CNOT1: variants seen among roughly 807,000 people sequenced by gnomAD.
The protein encoded by CNOT1 is CCR4-associated factor 1.
Under a neutral mutation model 273.8 loss-of-function variants are expected in CNOT1, and 15 were observed. The ratio of observed to expected loss-of-function variants is 0.05; its 90% CI spans 0.04 to 0.08. The LOEUF (loss-of-function observed/expected upper bound fraction) is 0.08, where lower values mean the gene tolerates loss of function less well. CNOT1 is among the 10% of genes least tolerant of loss of function. CNOT1 has a pLI of 1.00. For missense variants in CNOT1, 1,644 were observed against 2,912.2 expected (o/e 0.56, Z 10.02); for synonymous variants, 1,022 against 1,005.5 (o/e 1.02, Z -0.31).
intron 22 of CNOT1, among the ~76,000 whole-genome samples, chr16:58,552,286 T>C (rs577092934): frequency 6.6e-6 from 1 of 151,950 alleles, no homozygotes; most frequent in East Asian, 1.9e-4. Context: ...TTTAGAGTGA[T>C]AAGGATCCTG....
Position 58,578,686 on chromosome 16 carries a change from G to A in CNOT1, c.1584+13C>T, listed in dbSNP as rs112715919. 66 of 1,611,732 alleles carry A rather than the reference G, an allele frequency of 4.1e-5. No individual in the cohort carries two copies. Among genetic ancestry groups the A allele is most frequent in the African/African-American group, 2.3e-4 (17 of 74,828 alleles). On this transcript the variant is annotated intron_variant, in intron 13 of 48. Coordinates refer to ENST00000317147, the MANE Select transcript of CNOT1 (RefSeq NM_016284.5). ...TCAGATGAAAAAATGGTAAGCACAC[G>A]GTCACATCTTACCTGCCCATGCCAT...
intron 43 of CNOT1, 22 bp from the exon 44 acceptor site, chr16:58,528,670 A>C: frequency 2.5e-6 from 4 of 1,569,538 alleles, no homozygotes; most frequent in Non-Finnish European, 3.5e-6. Context: ...AAACAAGAAA[A>C]ATATTTCCAC....
At chr16:58,619,906 A>G (rs1282699594) in intron 1 of CNOT1, among the ~76,000 whole-genome samples, 1 of 151,842 alleles carries the variant, frequency 6.6e-6, no homozygotes, top group Non-Finnish European at 1.5e-5. Context: ...AGATGTAAAT[A>G]GTTTAACTCT....
chr16:58,613,968 T>C (rs1349022630), intron 1 of CNOT1, among the ~76,000 whole-genome samples: 1 of 118,662 alleles, frequency 8.4e-6, no homozygotes, highest in Non-Finnish European at 2.0e-5. Flanking sequence ...GGCGGGCACC[T>C]GTAGTCCCAG....
intron 1 of CNOT1, among the ~76,000 whole-genome samples, chr16:58,618,911 C>T (rs1273537197): frequency 2.6e-5 from 4 of 152,042 alleles, no homozygotes; most frequent in Non-Finnish European, 5.9e-5. Flanking sequence ...ATCTAATCCA[C>T]GCCAGGCATG....
At chr16:58,597,663 AG>A in intron 2 of CNOT1, 1 of 484,182 alleles carries the variant, frequency 2.1e-6, no homozygotes, top group Non-Finnish European at 4.1e-6. Flanking sequence ...GAAAGTCTGC[AG>A]GAACCATACA....
intron 1 of CNOT1, among the ~76,000 whole-genome samples, chr16:58,617,692 G>C (rs2043141648): frequency 6.6e-6 from 1 of 152,126 alleles, no homozygotes; most frequent in Non-Finnish European, 1.5e-5. Flanking sequence ...TATAGGATGG[G>C]CCCTCAATGT....
intron 1 of CNOT1, among the ~76,000 whole-genome samples, chr16:58,622,759 G>A (rs148283599): frequency 2.1e-4 from 32 of 149,680 alleles, no homozygotes; most frequent in Admixed American, 8.7e-4. Flanking sequence ...AGGCAGGATC[G>A]TCTCTTGAAA....
chr16:58,544,677 G>C (rs373464538), intron 30 of CNOT1, among the ~76,000 whole-genome samples: 1 of 152,174 alleles, frequency 6.6e-6, no homozygotes. Context: ...TGTTACTCTT[G>C]TATTTGTGAA....
chr16:58,556,846 C>A lies in CNOT1; in HGVS notation c.2479+1G>T. The A allele has an allele frequency of 6.2e-7, 1 of 1,612,400 alleles. No individual in the cohort carries two copies. Among genetic ancestry groups the A allele is most frequent in the Non-Finnish European group, 8.5e-7 (1 of 1,179,462 alleles). ...CAATCACAGACAACACTACCACTTA[C>A]AAGGTTTCATCTTACTCTGCTGGAA... is the stretch of plus-strand genomic sequence containing the variant. On this transcript the variant is annotated splice_donor_variant, in intron 19 of 48. Coordinates refer to ENST00000317147, the MANE Select transcript of CNOT1 (RefSeq NM_016284.5). LOFTEE classifies it high-confidence loss of function.
chr16:58,584,167 C>CA (rs146436937), intron 8 of CNOT1, among the ~76,000 whole-genome samples: 1,037 of 97,464 alleles, frequency 0.011, 5 homozygotes, highest in East Asian at 0.022. Flanking sequence ...CACTCCGTCT[C>CA]AAAAAAAAAA....
At chr16:58,527,143 T>C (rs2039617916) in intron 44 of CNOT1, among the ~76,000 whole-genome samples, 1 of 152,194 alleles carries the variant, frequency 6.6e-6, no homozygotes, top group South Asian at 2.1e-4. Flanking sequence ...GGGTTCTCCA[T>C]ACCCTTAGGT....
At chr16:58,538,723 A>C in intron 36 of CNOT1, 49 bp downstream of exon 36, 15 of 1,604,146 alleles carry the variant, frequency 9.4e-6, no homozygotes, top group Non-Finnish European at 1.3e-5. Context: ...TCTATGTCAA[A>C]AGGCAGTCGC....
Position 58,545,418 on chromosome 16 carries a change from G to A in CNOT1, c.4080C>T (p.His1360=), listed in dbSNP as rs572684568. ...TVPPQPQYSY[H]DINVYSLAGL... Reference sequence around the variant, plus strand: ...CCGCAAGGGAATAGACATTGATGTCGTGGTAGCTGTACTGTGGCTGTGGTG... The same window carrying A: ...CCGCAAGGGAATAGACATTGATGTCATGGTAGCTGTACTGTGGCTGTGGTG... The change falls in exon 30 of 49, where the codon CAC becomes CAT. Residue 1360 remains histidine (H), a synonymous_variant. Transcript: ENST00000317147. 5.0e-6 allele frequency: 8 copies of A among 1,614,018 alleles called. No homozygotes were observed. Among genetic ancestry groups the A allele is most frequent in the Middle Eastern group, 1.6e-4 (1 of 6,082 alleles).
At chr16:58,544,083 T>G (rs2040179141) in intron 30 of CNOT1, among the ~76,000 whole-genome samples, 180 bp from the exon 31 acceptor site, 1 of 152,230 alleles carries the variant, frequency 6.6e-6, no homozygotes, top group Non-Finnish European at 1.5e-5. Context: ...GGAAATGTAT[T>G]CAGTATACCC....
chr16:58,611,614 A>C (rs1172031270), intron 1 of CNOT1, among the ~76,000 whole-genome samples: 1 of 152,128 alleles, frequency 6.6e-6, no homozygotes, highest in Non-Finnish European at 1.5e-5. Flanking sequence ...TAAGGTCAGA[A>C]GTTCGAGACC....
intron 1 of CNOT1, among the ~76,000 whole-genome samples, chr16:58,608,764 C>T (rs551913779): frequency 1.3e-5 from 2 of 152,234 alleles, no homozygotes; most frequent in Admixed American, 6.5e-5. Context: ...TATATATACA[C>T]AACGGAATAG....
intron 1 of CNOT1, among the ~76,000 whole-genome samples, chr16:58,628,837 G>T (rs1279611898): frequency 1.3e-5 from 2 of 152,202 alleles, no homozygotes; most frequent in Non-Finnish European, 2.9e-5. Flanking sequence ...TTACTCCTCG[G>T]GGAGTTAGTA....
chr16:58,590,294 C>A (rs57136470), intron 2 of CNOT1, among the ~76,000 whole-genome samples: 17 of 152,192 alleles, frequency 1.1e-4, no homozygotes, highest in Admixed American at 5.2e-4. Context: ...GTTGAAGAAT[C>A]TGGATTTATA....
Sources: gnomAD v4.1 joint callset for allele counts (sites outside exome capture counted in the v4.1 genomes callset) on GRCh38, gnomAD v4.1.1 for gene constraint, MANE v1.5 for transcripts, NCBI Gene and HGNC (gene_info 2026-07-23, HGNC 2026-07-21) for gene names.